WDR64: variants seen among roughly 807,000 people sequenced by gnomAD.
WDR64 encodes WD repeat domain 64.
WDR64 carries 112 observed loss-of-function variants against 139.3 expected under a neutral mutation model. That is an observed-to-expected ratio of 0.80 (90% CI 0.69 to 0.94). The LOEUF (loss-of-function observed/expected upper bound fraction) is 0.94. Ranked by LOEUF, WDR64 falls within the 40% of genes least tolerant of loss-of-function variation. WDR64 has a pLI of 0.00. For missense variants in WDR64, 1,206 were observed against 1,293.1 expected (o/e 0.93, Z 1.03); for synonymous variants, 444 against 437.7 (o/e 1.01, Z -0.18).
chr1:241,778,875 G>C (rs1658752127), intron 21 of WDR64, among the ~76,000 whole-genome samples: 1 of 151,828 alleles, frequency 6.6e-6, no homozygotes, highest in Non-Finnish European at 1.5e-5. Context: ...ATACATTGTT[G>C]CTATCATTAT....
intron 23 of WDR64, 123 bp downstream of exon 23, chr1:241,783,504 G>A (rs1658923486): frequency 2.9e-6 from 2 of 683,788 alleles, no homozygotes; most frequent in Non-Finnish European, 2.3e-6. Flanking sequence ...AAATAAATAA[G>A]TAAATAGATG....
At chr1:241,795,402 C>A (rs1169064336) in intron 26 of WDR64, 115 bp downstream of exon 26, 2 of 892,226 alleles carry the variant, frequency 2.2e-6, no homozygotes, top group Admixed American at 5.1e-5. Context: ...TCAGTTGGAC[C>A]GTTGCTTCCA....
At chr1:241,800,199 C>T (rs4658647) in intron 27 of WDR64, among the ~76,000 whole-genome samples, 35,789 of 152,048 alleles carry the variant, frequency 0.24, 4,468 homozygotes, top group Non-Finnish European at 0.29. Flanking sequence ...AAGCCTCCTA[C>T]CTTGTCTGTG....
At chr1:241,698,181 T>C (rs144649603) in intron 8 of WDR64, among the ~76,000 whole-genome samples, 33 of 152,286 alleles carry the variant, frequency 2.2e-4, no homozygotes, top group African/African-American at 7.7e-4. Flanking sequence ...CTTTAAAATA[T>C]ATACCTTCTA....
At chr1:241,711,744 C>G in intron 8 of WDR64, 58 bp from the exon 9 acceptor site, 1 of 1,547,496 alleles carries the variant, frequency 6.5e-7, no homozygotes, top group Non-Finnish European at 8.9e-7. Flanking sequence ...ATTTATAAGT[C>G]AGAATTAACT....
At chr1:241,718,842 G>C (rs1258975984) in intron 9 of WDR64, among the ~76,000 whole-genome samples, 1 of 152,094 alleles carries the variant, frequency 6.6e-6, no homozygotes. Flanking sequence ...AGAGAGAGGG[G>C]AGAGAGGGTG....
intron 10 of WDR64, among the ~76,000 whole-genome samples, chr1:241,735,855 CTGTGTGTGTGTGTGTGTG>C (rs59974714): frequency 1.4e-5 from 1 of 71,610 alleles, no homozygotes; most frequent in African/African-American, 4.7e-5. Flanking sequence ...CTCTCTCTCT[CTGTGTGTGTGTGTGTGTG>C]TGTGTGTGTG....
chr1:241,705,309 A>G (rs1667892262), intron 8 of WDR64, among the ~76,000 whole-genome samples: 2 of 152,066 alleles, frequency 1.3e-5, no homozygotes, highest in African/African-American at 4.8e-5. Context: ...TGGGAGGCCA[A>G]GGAGGGCGGA....
At chr1:241,723,224 A>T in intron 9 of WDR64, 73 bp from the exon 10 acceptor site, 1 of 1,567,146 alleles carries the variant, frequency 6.4e-7, no homozygotes, top group South Asian at 1.1e-5. Flanking sequence ...TACGGGTATG[A>T]TACAGTGAGA....
Position 241,723,371 on chromosome 1 carries a change from T to C in WDR64, c.1129T>C (p.Phe377Leu), listed in dbSNP as rs1309128768. 5 of 1,614,050 alleles carry C rather than the reference T, an allele frequency of 3.1e-6. No homozygotes were observed. In the South Asian group the frequency reaches 5.5e-5, roughly 18 times the overall value. ...KPVGKLVGHMFSIAEIVTNEK... is the reference protein window; with the variant it reads ...KPVGKLVGHMLSIAEIVTNEK... ...AGTAGGGAAACTTGTAGGACACATG[T>C]TCAGTATCGCCGAGATCGTAACCAA... The change falls in exon 10 of 28, where the codon TTC (phenylalanine) becomes CTC (leucine). Residue 377 changes from phenylalanine to leucine, a missense_variant. Transcript: ENST00000437684.
chr1:241,756,249 T>G (rs1265624006), intron 14 of WDR64, among the ~76,000 whole-genome samples: 1 of 152,202 alleles, frequency 6.6e-6, no homozygotes, highest in Non-Finnish European at 1.5e-5. Context: ...AGCAGTGGTT[T>G]ATAGTTCTCC....
At chr1:241,786,735 T>TA (rs1453934311) in intron 23 of WDR64, among the ~76,000 whole-genome samples, 1 of 152,212 alleles carries the variant, frequency 6.6e-6, no homozygotes, top group African/African-American at 2.4e-5. Context: ...TTCTAAGGCC[T>TA]AATTCAATGA....
intron 22 of WDR64, 87 bp from the exon 23 acceptor site, chr1:241,783,185 G>A: frequency 8.8e-7 from 1 of 1,137,448 alleles, no homozygotes; most frequent in Admixed American, 2.0e-5. Flanking sequence ...TCATAAGCTT[G>A]GCTCAATGAG....
intron 16 of WDR64, 103 bp from the exon 17 acceptor site, chr1:241,769,301 G>T: frequency 2.4e-6 from 2 of 833,444 alleles, no homozygotes; most frequent in East Asian, 2.7e-5. Context: ...AATAATATTA[G>T]CATTTGAGGA....
intron 8 of WDR64, among the ~76,000 whole-genome samples, chr1:241,693,784 G>A (rs773510002): frequency 2.6e-5 from 4 of 151,978 alleles, no homozygotes; most frequent in African/African-American, 4.8e-5. Flanking sequence ...CATATTATTC[G>A]GATTTAGCCT....
At chr1:241,675,350 T>C (rs1194919456) in intron 4 of WDR64, among the ~76,000 whole-genome samples, 1 of 150,312 alleles carries the variant, frequency 6.7e-6, no homozygotes, top group Non-Finnish European at 1.5e-5. Context: ...CTCTGCATTA[T>C]GCATATGTAT....
intron 14 of WDR64, among the ~76,000 whole-genome samples, chr1:241,751,192 T>A (rs1281514561): frequency 2.6e-5 from 4 of 152,172 alleles, no homozygotes; most frequent in Non-Finnish European, 5.9e-5. Flanking sequence ...CTACTACAAG[T>A]GTTGTGAGTG....
At chr1:241,748,716 G>A (rs1669859902) in intron 13 of WDR64, among the ~76,000 whole-genome samples, 1 of 152,114 alleles carries the variant, frequency 6.6e-6, no homozygotes, top group African/African-American at 2.4e-5. Flanking sequence ...GAGGAGGGCA[G>A]ATCATGAGGT....
At chr1:241,690,884 G>T (rs1199399304) in intron 8 of WDR64, among the ~76,000 whole-genome samples, 1 of 151,936 alleles carries the variant, frequency 6.6e-6, no homozygotes, top group Non-Finnish European at 1.5e-5. Flanking sequence ...CAGATAATTT[G>T]TTCAAATAAT....
Sources: allele counts gnomAD v4.1 joint callset (sites outside exome capture counted in the v4.1 genomes callset), GRCh38; gene constraint gnomAD v4.1.1; transcripts MANE v1.5; gene names NCBI Gene and HGNC (gene_info 2026-07-23, HGNC 2026-07-21).